Variants in ARHGEF18 observed in about 807,000 individuals in gnomAD.
ARHGEF18 encodes rho guanine nucleotide exchange factor 18.
ARHGEF18 carries 93 observed loss-of-function variants against 155.7 expected under a neutral mutation model. The ratio of observed to expected loss-of-function variants is 0.60; its 90% CI spans 0.50 to 0.71. The LOEUF (loss-of-function observed/expected upper bound fraction) is 0.71. Among genes scored for constraint, ARHGEF18 ranks in the 30% least tolerant of loss-of-function variants. The probability of loss-of-function intolerance (pLI) is 0.00; values close to 1 mark genes in which losing one functional copy is unlikely to be tolerated. For missense variants in ARHGEF18, 1,593 were observed against 1,816.1 expected (o/e 0.88, Z 2.23); for synonymous variants, 742 against 753.1 (o/e 0.99, Z 0.24).
chr19:7,452,330 C>T (rs565485459), intron 16 of ARHGEF18, among the ~76,000 whole-genome samples: 2 of 152,218 alleles, frequency 1.3e-5, no homozygotes, highest in South Asian at 4.1e-4. Flanking sequence ...GTGCTGACCA[C>T]AGCTCTCGCT....
chr19:7,372,828 GGCGGCTCA>G lies in ARHGEF18; in HGVS notation c.36_43del (p.Leu13GlufsTer42). On this transcript the variant is annotated frameshift_variant, in exon 3 of 29. Transcript: ENST00000668164. LOFTEE classifies it high-confidence loss of function. ...AACCTACAGGAGGATGATTTTCCCAGGCGGCTCAGCGAGAGTATGGAGGACCTCAGCCT... is the reference window on the plus strand; with the variant it reads ...AACCTACAGGAGGATGATTTTCCCAGGCGAGAGTATGGAGGACCTCAGCCT... 8.1e-7 allele frequency: 1 copy of G among 1,234,502 alleles called. No individual in the cohort carries two copies. Among genetic ancestry groups the G allele is most frequent in the Non-Finnish European group, 1.0e-6 (1 of 988,268 alleles). 76.5% of individuals were successfully genotyped at this position (1,234,502 alleles called of 1,614,324 possible).
At chr19:7,478,183 G>T in the ARHGEF18 span, 1 of 927,436 alleles carries the variant, frequency 1.1e-6, no homozygotes, top group Non-Finnish European at 1.6e-6. Flanking sequence ...CCCACCAGAG[G>T]CTGTGATGAC....
Position 7,467,092 on chromosome 19 carries a change from CT to C in ARHGEF18, c.2984del (p.Leu995ArgfsTer6). The C allele has an allele frequency of 6.2e-7, 1 of 1,605,240 alleles. No homozygotes were observed. Among genetic ancestry groups the C allele is most frequent in the Non-Finnish European group, 8.5e-7 (1 of 1,173,698 alleles). ...GCAGCTTGTCCAGCGGATCCAGACACTGTCCCAGCTGCTCCTGAACCTTCAG... is the reference window on the plus strand; with the variant it reads ...GCAGCTTGTCCAGCGGATCCAGACACGTCCCAGCTGCTCCTGAACCTTCAG... ...ESELVQRIQT[L>X]SQLLLNLQAV... On this transcript the variant is annotated frameshift_variant, in exon 25 of 29. Coordinates refer to ENST00000668164, the MANE Select transcript of ARHGEF18 (RefSeq NM_001367823.1). LOFTEE classifies it high-confidence loss of function.
At chr19:7,364,395 A>AGGAG (rs1969793532) in intron 2 of ARHGEF18, among the ~76,000 whole-genome samples, 16 of 149,514 alleles carry the variant, frequency 1.1e-4, no homozygotes, top group South Asian at 6.5e-4. Flanking sequence ...GAAGGAAGGA[A>AGGAG]GGAAGGAAGG....
At chr19:7,452,171 T>C (rs1194915701) in intron 16 of ARHGEF18, among the ~76,000 whole-genome samples, 1 of 152,154 alleles carries the variant, frequency 6.6e-6, no homozygotes, top group Non-Finnish European at 1.5e-5. Flanking sequence ...GTGGAAAGGA[T>C]GAATGGATGG....
At chr19:7,379,086 C>T in intron 6 of ARHGEF18, 36 bp from the exon 7 acceptor site, 28 of 1,231,694 alleles carry the variant, frequency 2.3e-5, no homozygotes, top group Non-Finnish European at 2.8e-5. Context: ...CCTGGAGCTA[C>T]CATGGGCTGT....
At chr19:7,363,945 G>A (rs1214316963) in intron 2 of ARHGEF18, among the ~76,000 whole-genome samples, 2 of 151,122 alleles carry the variant, frequency 1.3e-5, no homozygotes, top group East Asian at 3.9e-4. Flanking sequence ...ATGAAGGAAG[G>A]ATAGATAAAT....
chr19:7,355,542 C>T, intron 1 of ARHGEF18: 14 of 869,236 alleles, frequency 1.6e-5, no homozygotes, highest in Non-Finnish European at 1.9e-5. Context: ...TGGAGGCAGT[C>T]TCCGCCCCTC....
At chr19:7,356,877 C>T (rs976311311) in intron 1 of ARHGEF18, among the ~76,000 whole-genome samples, 2 of 152,138 alleles carry the variant, frequency 1.3e-5, no homozygotes, top group Non-Finnish European at 1.5e-5. Flanking sequence ...TGTGAAGATT[C>T]GTTAGCTCAT....
In ARHGEF18 at chr19:7,462,235, G is replaced by A. The variant is rs143766225; in HGVS notation, c.2536G>A (p.Gly846Ser). 579 of 1,613,912 alleles carry A rather than the reference G, an allele frequency of 3.6e-4. 2 individuals are homozygous for A. The highest frequency in any genetic ancestry group is 6.6e-4 in the Middle Eastern group (4 of 6,062). The change falls in exon 21 of 29, where the codon GGC (glycine) becomes AGC (serine). Residue 846 changes from glycine (G) to serine (S), a missense_variant. Physicochemically the swap from Gly to Ser is moderately conservative, Grantham distance 56 (BLOSUM62 0). Coordinates refer to ENST00000668164, the MANE Select transcript of ARHGEF18 (RefSeq NM_001367823.1). This position sits in a 1 kb window ranked among gnomAD's most constrained non-coding sequence, Gnocchi z 4.4. ...CTACCTGGAGATGGCCGAGATGGGCGGCCTCGAAGACCTGCCCCAGCCCCG... is the reference window on the plus strand; with the variant it reads ...CTACCTGGAGATGGCCGAGATGGGCAGCCTCGAAGACCTGCCCCAGCCCCG... ...QIYLEMAEMGGLEDLPQPRGL... is the reference protein window; with the variant it reads ...QIYLEMAEMGSLEDLPQPRGL...
chr19:7,441,898 C>T lies in ARHGEF18; in HGVS notation c.1220-14C>T, dbSNP rs1183079264. ...CTCTGGGCCCCCAGCAGCCACACCTCGCTCTTCCCTCAGATCCCTACACCG... is the reference window on the plus strand; with the variant it reads ...CTCTGGGCCCCCAGCAGCCACACCTTGCTCTTCCCTCAGATCCCTACACCG... On this transcript the variant is annotated splice_polypyrimidine_tract_variant and intron_variant, in intron 12 of 28. Transcript: ENST00000668164. The T allele has an allele frequency of 8.1e-6, 13 of 1,613,770 alleles. No homozygotes were observed. The East Asian group carries it at 1.1e-4, about 14-fold the overall frequency.
At chr19:7,455,701 T>C (rs926010716) in intron 17 of ARHGEF18, among the ~76,000 whole-genome samples, 5 of 152,124 alleles carry the variant, frequency 3.3e-5, no homozygotes, top group African/African-American at 1.2e-4. Context: ...CTGGGCAACT[T>C]ACCAAAGAAA....
At chr19:7,403,589 C>T (rs1236723829) in intron 10 of ARHGEF18, among the ~76,000 whole-genome samples, 5 of 148,378 alleles carry the variant, frequency 3.4e-5, no homozygotes, top group Admixed American at 6.8e-5. Flanking sequence ...GCTCTGTTGC[C>T]CAGGATAGAG....
At chr19:7,448,706 TC>T (rs2145816752) in intron 15 of ARHGEF18, among the ~76,000 whole-genome samples, 1 of 151,662 alleles carries the variant, frequency 6.6e-6, no homozygotes, top group East Asian at 1.9e-4. Flanking sequence ...CAAACTTTTG[TC>T]CCCTTGCTGG....
At chr19:7,377,650 T>A (rs1434015713) in intron 5 of ARHGEF18, among the ~76,000 whole-genome samples, 1 of 151,978 alleles carries the variant, frequency 6.6e-6, no homozygotes, top group Admixed American at 6.6e-5. Context: ...TAGCCAGGCA[T>A]GACGGTGTGC....
chr19:7,431,510 C>CAAAAAAAAAAAAA (rs34609858), intron 10 of ARHGEF18, among the ~76,000 whole-genome samples: 1 of 51,274 alleles, frequency 2.0e-5, no homozygotes, highest in African/African-American at 7.9e-5. Flanking sequence ...GACTCCATCT[C>CAAAAAAAAAAAAA]AAAAAAAAAA....
chr19:7,410,501 T>G (rs1695381317), intron 10 of ARHGEF18, among the ~76,000 whole-genome samples: 1 of 152,020 alleles, frequency 6.6e-6, no homozygotes, highest in East Asian at 1.9e-4. Context: ...AGAATCAGTC[T>G]TCTTTTCATC....
At chr19:7,365,652 C>T (rs1415875871) in intron 2 of ARHGEF18, among the ~76,000 whole-genome samples, 1 of 152,168 alleles carries the variant, frequency 6.6e-6, no homozygotes, top group African/African-American at 2.4e-5. Flanking sequence ...GGCTGTGCCC[C>T]CACCCGCTGG....
In ARHGEF18 at chr19:7,464,598, A is replaced by C. The variant is rs1414428556; in HGVS notation, c.2812A>C (p.Arg938=). ...FKKKVSSTDP[R]PRDWRGPPNS... ...GAAGAAAGTCAGCAGCACTGACCCC[A>C]GGCCCCGAGACTGGCGAGGCCCCCC... Residue 938 remains arginine, a synonymous_variant, in exon 23 of 29, where the codon AGG becomes CGG. Coordinates refer to ENST00000668164, the MANE Select transcript of ARHGEF18 (RefSeq NM_001367823.1). 3.1e-6 allele frequency: 5 copies of C among 1,613,742 alleles called. No individual in the cohort carries two copies. Among genetic ancestry groups the C allele is most frequent in the Non-Finnish European group, 4.2e-6 (5 of 1,179,942 alleles).
Sources: allele counts gnomAD v4.1 joint callset (sites outside exome capture counted in the v4.1 genomes callset), GRCh38; gene constraint gnomAD v4.1.1; non-coding constraint Gnocchi (gnomAD v3.1); transcripts MANE v1.5; gene names NCBI Gene and HGNC (gene_info 2026-07-23, HGNC 2026-07-21).